The following BTD variants were observed in gnomAD, a reference collection of about 807,000 sequenced individuals.
BTD encodes biotinidase.
A neutral mutation model predicts 17.7 loss-of-function variants in BTD; 13 were observed. The observed-to-expected ratio is 0.74, with a 90% CI of 0.48 to 1.17. BTD has a LOEUF of 1.17. BTD is among the 50% of genes most tolerant of loss of function. The pLI, the probability that BTD is intolerant of heterozygous loss-of-function variation, is 0.00. For missense variants in BTD, 674 were observed against 650.4 expected, an observed-to-expected ratio of 1.04 and a Z score of -0.39; for synonymous variants, 240 against 245.2, an observed-to-expected ratio of 0.98 and a Z score of 0.20.
chr3:15,603,371 C>CT (rs1289576643), intron 1 of BTD, among the ~76,000 whole-genome samples: 3 of 152,136 alleles, frequency 2.0e-5, no homozygotes, highest in African/African-American at 7.2e-5. Context: ...CAAAAGCAAG[C>CT]TAGTGGCTGG....
rs1371194783 is a variant in BTD, at chr3:15,644,934, A to C, written c.1018A>C (p.Lys340Gln). ...ATGETDPSHS[K>Q]FLKILSGDPY... ...AGGTGAAACGGACCCATCCCATAGT[A>C]AGTTTTTAAAAATTTTGTCAGGCGA... is the stretch of plus-strand genomic sequence containing the variant. Residue 340 changes from lysine to glutamine, a missense_variant, in exon 4 of 4, where the codon AAG (lysine) becomes CAG (glutamine). Physicochemically the swap from Lys to Gln is moderately conservative, Grantham distance 53. Transcript: ENST00000643237. 2 of 1,614,146 alleles carry C rather than the reference A, an allele frequency of 1.2e-6. No individual in the cohort carries two copies. Among genetic ancestry groups the C allele is most frequent in the South Asian group, 2.2e-5 (2 of 91,076 alleles).
At chr3:15,602,225 T>A in intron 1 of BTD, 1 of 1,335,328 alleles carries the variant, frequency 7.5e-7, no homozygotes, top group Non-Finnish European at 9.6e-7. Flanking sequence ...AGTCAGTAGA[T>A]CCAGACCGTG....
chr3:15,676,041 A>G (rs2066901742), intron 3 of BTD: 21 of 1,403,000 alleles, frequency 1.5e-5, no homozygotes, highest in Non-Finnish European at 2.1e-5. Context: ...GCATGCACAT[A>G]CACATACACA....
chr3:15,601,921 G>C lies in BTD; in HGVS notation c.-17+27G>C, dbSNP rs376618690. ...TACGGAGGGGGCGTGGTGCGGCGCG[G>C]AGGGGGTGTGGTAAGGGCGTGCGGT... On this transcript the variant is annotated intron_variant, in intron 1 of 3. Transcript: ENST00000643237. The C allele has an allele frequency of 1.3e-5, 21 of 1,612,622 alleles. No homozygotes were observed. In the African/African-American group the frequency reaches 2.5e-4, roughly 19 times the overall value.
intron 3 of BTD, among the ~76,000 whole-genome samples, chr3:15,643,697 G>T (rs1396748772): frequency 6.6e-6 from 1 of 151,768 alleles, no homozygotes; most frequent in Non-Finnish European, 1.5e-5. Flanking sequence ...TTCAGTAGTG[G>T]TTGCTTTTTT....
chr3:15,670,934 A>G (rs2066272420), intron 3 of BTD, among the ~76,000 whole-genome samples: 1 of 152,212 alleles, frequency 6.6e-6, no homozygotes, highest in Admixed American at 6.6e-5. Flanking sequence ...ATTTGCAGTT[A>G]TATCAGTGTC....
chr3:15,708,248 G>A (rs2071734336), intron 3 of BTD, among the ~76,000 whole-genome samples: 1 of 152,204 alleles, frequency 6.6e-6, no homozygotes, highest in African/African-American at 2.4e-5. Context: ...AGGTGGCAGA[G>A]AACCTTTAAG....
At chr3:15,642,385 C>G (rs1420425925) in intron 3 of BTD, 1 of 650,010 alleles carries the variant, frequency 1.5e-6, no homozygotes, top group Non-Finnish European at 2.4e-6. Flanking sequence ...CTTAGAGAAA[C>G]TGCCATCAAC....
rs1197951906 is a variant in BTD, at chr3:15,649,973, A to T, written c.*4485A>T. On this transcript the variant is annotated 3_prime_UTR_variant, in exon 4 of 4. Coordinates refer to ENST00000643237, the MANE Select transcript of BTD (RefSeq NM_001370658.1). Reference sequence around the variant, plus strand: ...TATTTTACAGATGGGGAAAACTGACAGAGAGATATTAATGAATTGCCCACA... The same window carrying T: ...TATTTTACAGATGGGGAAAACTGACTGAGAGATATTAATGAATTGCCCACA... Among the ~76,000 whole-genome samples, 1 of 152,200 alleles carries T rather than the reference A, an allele frequency of 6.6e-6. No homozygotes were observed. Among genetic ancestry groups the T allele is most frequent in the Admixed American group, 6.5e-5 (1 of 15,272 alleles).
At chr3:15,721,937 G>T (rs1356972109) in exon 5 of BTD, among the ~76,000 whole-genome samples, 1 of 152,134 alleles carries the variant, frequency 6.6e-6, no homozygotes, top group Non-Finnish European at 1.5e-5. Context: ...TAGAGACGGG[G>T]TGTCACCATG....
downstream of BTD, chr3:15,713,492 C>T: frequency 6.5e-7 from 1 of 1,531,792 alleles, no homozygotes; most frequent in Non-Finnish European, 9.0e-7. Flanking sequence ...TTGTGCTTGC[C>T]TGTATCAGTT....
At chr3:15,637,049 G>C (rs1046922532) in intron 2 of BTD, among the ~76,000 whole-genome samples, 1 of 152,112 alleles carries the variant, frequency 6.6e-6, no homozygotes, top group Non-Finnish European at 1.5e-5. Flanking sequence ...CTGCCACCAC[G>C]ATTCTATCGT....
intron 1 of BTD, among the ~76,000 whole-genome samples, chr3:15,616,882 G>A (rs76910938): frequency 5.3e-5 from 8 of 151,872 alleles, no homozygotes; most frequent in Non-Finnish European, 1.2e-4. Flanking sequence ...ACCCAGGCTG[G>A]AGTGCAGTGG....
upstream of BTD, chr3:15,601,642 G>A (rs1457569748): frequency 6.4e-7 from 1 of 1,553,576 alleles, no homozygotes. Context: ...CCACTTCCCG[G>A]GAGAGGTGAG....
At chr3:15,625,086 G>A (rs998197285) in intron 1 of BTD, among the ~76,000 whole-genome samples, 1 of 152,144 alleles carries the variant, frequency 6.6e-6, no homozygotes, top group Admixed American at 6.5e-5. Flanking sequence ...AGTATACCTT[G>A]TAATTTTTTG....
exon 4 of BTD, chr3:15,711,221 C>T: frequency 6.2e-7 from 1 of 1,612,140 alleles, no homozygotes; most frequent in Non-Finnish European, 8.5e-7. Context: ...CCTCCAGCTG[C>T]AGCTGCATGT....
chr3:15,710,943 A>T (rs2126058548), exon 4 of BTD, among the ~76,000 whole-genome samples: 1 of 152,254 alleles, frequency 6.6e-6, no homozygotes, highest in Admixed American at 6.5e-5. Flanking sequence ...AAATAGTTTT[A>T]CTTATCCAGA....
At chr3:15,700,335 T>C (rs1355624512) in intron 3 of BTD, among the ~76,000 whole-genome samples, 1 of 151,750 alleles carries the variant, frequency 6.6e-6, no homozygotes, top group East Asian at 1.9e-4. Flanking sequence ...TTAGGATAAA[T>C]ACCTAATGTA....
chr3:15,693,318 A>C (rs1260807383), intron 3 of BTD, among the ~76,000 whole-genome samples: 1 of 151,054 alleles, frequency 6.6e-6, no homozygotes, highest in Non-Finnish European at 1.5e-5. Flanking sequence ...AAAAATAGTA[A>C]TGGGGGGGCA....
Sources: gnomAD v4.1 joint callset for allele counts (sites outside exome capture counted in the v4.1 genomes callset) on GRCh38, gnomAD v4.1.1 for gene constraint, MANE v1.5 for transcripts, NCBI Gene and HGNC (gene_info 2026-07-23, HGNC 2026-07-21) for gene names.